Variants in MAGI2 observed in about 807,000 individuals in gnomAD.
MAGI2 encodes the protein membrane-associated guanylate kinase, WW and PDZ domain-containing protein 2.
In MAGI2, 35 loss-of-function variants were observed where a neutral mutation model predicts 133.3. That is an observed-to-expected ratio of 0.26 (90% CI 0.20 to 0.35). The LOEUF (loss-of-function observed/expected upper bound fraction) is 0.35. MAGI2 is among the 10% of genes least tolerant of loss of function. MAGI2 has a pLI of 1.00. For missense variants in MAGI2, 1,636 were observed against 1,863.4 expected (o/e 0.88, Z 2.25); for synonymous variants, 729 against 710.6 (o/e 1.03, Z -0.41).
chr7:79,318,127 C>A (rs1303881727), intron 1 of MAGI2, among the ~76,000 whole-genome samples: 1 of 152,126 alleles, frequency 6.6e-6, no homozygotes, highest in African/African-American at 2.4e-5. Flanking sequence ...CTAAACTTCA[C>A]CTATCATCTA....
chr7:79,140,319 C>T (rs983966480), intron 1 of MAGI2, among the ~76,000 whole-genome samples: 1 of 152,128 alleles, frequency 6.6e-6, no homozygotes, highest in African/African-American at 2.4e-5. Context: ...TTAATCTCTG[C>T]ATATCTATTT....
chr7:79,277,929 A>T (rs1230267062), intron 1 of MAGI2, among the ~76,000 whole-genome samples: 1 of 152,134 alleles, frequency 6.6e-6, no homozygotes, highest in African/African-American at 2.4e-5. Context: ...TTCATAAGTG[A>T]CAATTAGCAA....
At chr7:78,287,908 C>G (rs1796310627) in intron 9 of MAGI2, among the ~76,000 whole-genome samples, 1 of 152,134 alleles carries the variant, frequency 6.6e-6, no homozygotes, top group Non-Finnish European at 1.5e-5. Flanking sequence ...TCCATTTTCA[C>G]AATTTGGGGA....
intron 1 of MAGI2, among the ~76,000 whole-genome samples, chr7:79,074,613 C>A (rs1326554202): frequency 2.0e-5 from 3 of 152,134 alleles, no homozygotes; most frequent in Non-Finnish European, 4.4e-5. Context: ...AAAGGAAGTA[C>A]TATGATACAA....
intron 20 of MAGI2, among the ~76,000 whole-genome samples, chr7:78,122,305 G>T (rs1482423648): frequency 6.6e-6 from 1 of 152,108 alleles, no homozygotes; most frequent in African/African-American, 2.4e-5. Flanking sequence ...TATAAACCAA[G>T]ATGCTTTTGT....
intron 9 of MAGI2, among the ~76,000 whole-genome samples, chr7:78,294,050 A>C (rs1272998940): frequency 1.3e-5 from 2 of 151,388 alleles, no homozygotes; most frequent in African/African-American, 4.9e-5. Flanking sequence ...CACATTGTGC[A>C]CATGTACCCT....
chr7:78,157,042 T>G (rs1824465839), intron 16 of MAGI2, among the ~76,000 whole-genome samples: 1 of 152,182 alleles, frequency 6.6e-6, no homozygotes, highest in South Asian at 2.1e-4. Flanking sequence ...AAGGATGGCT[T>G]TTTACCATTC....
chr7:78,891,432 G>A (rs1230776108), intron 2 of MAGI2, among the ~76,000 whole-genome samples: 2 of 152,100 alleles, frequency 1.3e-5, no homozygotes, highest in East Asian at 3.9e-4. Flanking sequence ...CAGAAAAAGA[G>A]AATTTTAGAC....
intron 1 of MAGI2, among the ~76,000 whole-genome samples, chr7:79,420,956 G>A (rs1846912933): frequency 6.6e-6 from 1 of 151,928 alleles, no homozygotes; most frequent in Non-Finnish European, 1.5e-5. Context: ...GGGATGTTTT[G>A]TTTATCATTC....
At chr7:78,328,940 G>A (rs1788884708) in intron 9 of MAGI2, among the ~76,000 whole-genome samples, 1 of 152,106 alleles carries the variant, frequency 6.6e-6, no homozygotes, top group Non-Finnish European at 1.5e-5. Flanking sequence ...ACAGTTCTAG[G>A]TTATTAACCT....
At chr7:78,235,019 C>A (rs1355752980) in intron 10 of MAGI2, among the ~76,000 whole-genome samples, 1 of 152,020 alleles carries the variant, frequency 6.6e-6, no homozygotes, top group African/African-American at 2.4e-5. Flanking sequence ...GAATTTGAGA[C>A]TTACTTGGCA....
At chr7:78,702,571 T>TAGCC (rs1202474967) in intron 2 of MAGI2, among the ~76,000 whole-genome samples, 3 of 152,102 alleles carry the variant, frequency 2.0e-5, no homozygotes, top group African/African-American at 7.2e-5. Context: ...TGATAGAGAT[T>TAGCC]AGCCCCCCAA....
At chr7:78,790,095 A>T (rs1827134054) in intron 2 of MAGI2, among the ~76,000 whole-genome samples, 1 of 152,144 alleles carries the variant, frequency 6.6e-6, no homozygotes, top group Non-Finnish European at 1.5e-5. Flanking sequence ...TATATTTTTC[A>T]TGAAATAATA....
chr7:79,017,441 C>T (rs1808851566), intron 1 of MAGI2, among the ~76,000 whole-genome samples: 1 of 152,154 alleles, frequency 6.6e-6, no homozygotes. Flanking sequence ...ATCCAAAGGT[C>T]ATCAACTTCA....
chr7:78,501,844 A>G, intron 4 of MAGI2, 57 bp from the exon 5 acceptor site: 5 of 1,271,480 alleles, frequency 3.9e-6, no homozygotes, highest in Non-Finnish European at 3.4e-6. Flanking sequence ...CTCTGGACTG[A>G]GTATGGAGAA....
chr7:78,192,751 CTT>C lies in MAGI2; in HGVS notation c.2269+2121_2269+2122del, dbSNP rs1163399444. Among the ~76,000 whole-genome samples the C allele has an allele frequency of 5.9e-5, 9 of 152,258 alleles. No individual in the cohort carries two copies. The South Asian group carries it at 1.9e-3, about 32-fold the overall frequency. ...ATAGGAAAGGAAATGAGCTTGTCCT[CTT>C]TTGGCTTTCTGAGATTTTTGACCCT... On this transcript the variant is annotated intron_variant, in intron 12 of 21. Coordinates refer to ENST00000354212, the MANE Select transcript of MAGI2 (RefSeq NM_012301.4).
chr7:78,997,818 C>T (rs1806464129), intron 2 of MAGI2, among the ~76,000 whole-genome samples: 1 of 152,108 alleles, frequency 6.6e-6, no homozygotes, highest in Admixed American at 6.5e-5. Flanking sequence ...CAGAGTCATT[C>T]ACTTGCATAA....
At position 78,664,248 on chromosome 7, in the gene MAGI2, C is replaced by T. The variant is rs542162925; in HGVS notation, c.419-37009G>A. Among the ~76,000 whole-genome samples the T allele has an allele frequency of 2.6e-5, 4 of 152,276 alleles. No individual in the cohort carries two copies. In the South Asian group the frequency reaches 8.3e-4, roughly 32 times the overall value. ...ATACACACAACCATTCTACTTTTCT[C>T]CTTTCACCAGTAGTTATCCTCACCA... On this transcript the variant is annotated intron_variant, in intron 2 of 21. Coordinates refer to ENST00000354212, the MANE Select transcript of MAGI2 (RefSeq NM_012301.4).
intron 3 of MAGI2, among the ~76,000 whole-genome samples, chr7:78,604,525 A>G (rs930133300): frequency 3.9e-5 from 6 of 152,200 alleles, no homozygotes; most frequent in Non-Finnish European, 1.5e-5. Context: ...CACTAAGCAA[A>G]TATTGAGCAT....
Sources: allele counts gnomAD v4.1 joint callset (sites outside exome capture counted in the v4.1 genomes callset), GRCh38; gene constraint gnomAD v4.1.1; transcripts MANE v1.5; gene names NCBI Gene and HGNC (gene_info 2026-07-23, HGNC 2026-07-21).